ABLIM2: variants seen among roughly 807,000 people sequenced by gnomAD.
ABLIM2 encodes the protein actin binding LIM protein family member 2.
A neutral mutation model predicts 97.7 loss-of-function variants in ABLIM2; 53 were observed. The ratio of observed to expected loss-of-function variants is 0.54; its 90% CI spans 0.44 to 0.68. The LOEUF is 0.68. Among genes scored for constraint, ABLIM2 ranks in the 30% least tolerant of loss-of-function variants. ABLIM2 has a pLI of 0.00. For synonymous variants in ABLIM2, 361 were observed against 345.8 expected, an observed-to-expected ratio of 1.04 and a Z score of -0.49; for missense variants, 835 against 867.2, an observed-to-expected ratio of 0.96 and a Z score of 0.47.
chr4:8,095,223 C>T lies in ABLIM2; in HGVS notation c.338+1876G>A, dbSNP rs1295642951. ...GGCCCAAGCAATCCTCCCATCTCAG[C>T]CTCTCACATAGCTGGGACTACAGGC... On this transcript the variant is annotated intron_variant, in intron 3 of 20. Coordinates refer to ENST00000447017, the MANE Select transcript of ABLIM2 (RefSeq NM_001130083.2). The surrounding 1 kb of genome is among the most constrained non-coding windows in gnomAD (Gnocchi z 4.7). 6.6e-6 allele frequency among the ~76,000 whole-genome samples: 1 copy of T among 152,048 alleles called. No individual in the cohort carries two copies. The highest frequency in any genetic ancestry group is 1.5e-5 in the Non-Finnish European group (1 of 68,020).
rs1463147175 is a variant in ABLIM2, at chr4:8,112,321, G to A, written c.11-5684C>T. ...TTTGGACCCACCATCCAGGGGCAGC[G>A]GTGTGACCTTGGTGAATGGATTTAA... On this transcript the variant is annotated intron_variant, in intron 1 of 20. Transcript: ENST00000447017. This position sits in a 1 kb window ranked among gnomAD's most constrained non-coding sequence, Gnocchi z 4.2. Among the ~76,000 whole-genome samples the A allele has an allele frequency of 3.9e-5, 6 of 152,194 alleles. No homozygotes were observed. Among genetic ancestry groups the A allele is most frequent in the South Asian group, 2.1e-4 (1 of 4,828 alleles).
chr4:8,013,381 C>A (rs1766442093), intron 14 of ABLIM2, among the ~76,000 whole-genome samples: 1 of 152,010 alleles, frequency 6.6e-6, no homozygotes, highest in Non-Finnish European at 1.5e-5. Flanking sequence ...CACCACCATG[C>A]CCGGCTAATT....
chr4:8,151,283 C>T (rs1323846683), intron 1 of ABLIM2, among the ~76,000 whole-genome samples: 1 of 152,182 alleles, frequency 6.6e-6, no homozygotes, highest in Non-Finnish European at 1.5e-5. Flanking sequence ...CCGCAGCAGA[C>T]CTGTTTGTTG....
chr4:7,984,779 T>C, intron 18 of ABLIM2, 60 bp downstream of exon 18: 4 of 1,503,252 alleles, frequency 2.7e-6, no homozygotes, highest in Non-Finnish European at 3.6e-6. Flanking sequence ...ACAAGTCTTG[T>C]GGAATGTGTT....
chr4:8,048,427 G>A (rs1378975440), intron 8 of ABLIM2, among the ~76,000 whole-genome samples: 1 of 152,122 alleles, frequency 6.6e-6, no homozygotes, highest in African/African-American at 2.4e-5. Context: ...ACAGTCACTG[G>A]GGAGGCCTGC....
intron 20 of ABLIM2, among the ~76,000 whole-genome samples, chr4:7,969,704 G>A (rs1013547106): frequency 1.3e-4 from 17 of 126,832 alleles, no homozygotes; most frequent in African/African-American, 4.7e-4. Flanking sequence ...TGGGCTCAGA[G>A]TCAGTCTCTC....
Position 8,075,736 on chromosome 4 carries a change from G to A in ABLIM2, c.675+1892C>T, listed in dbSNP as rs527765282. 2.0e-5 allele frequency among the ~76,000 whole-genome samples: 3 copies of A among 152,222 alleles called. No individual in the cohort carries two copies. In the East Asian group the frequency reaches 5.8e-4, roughly 29 times the overall value. The stretch of plus-strand genomic sequence containing the variant: ...ACCATTGACTTGTGCCCTTTAAATG[G>A]GCAAATTGTGAACTCTATCTCAATG... On this transcript the variant is annotated intron_variant, in intron 6 of 20. Coordinates refer to ENST00000447017, the MANE Select transcript of ABLIM2 (RefSeq NM_001130083.2). The surrounding 1 kb of genome is among the most constrained non-coding windows in gnomAD (Gnocchi z 4.4).
intron 20 of ABLIM2, among the ~76,000 whole-genome samples, chr4:7,978,836 T>C (rs542167230): frequency 6.6e-6 from 1 of 152,224 alleles, no homozygotes; most frequent in East Asian, 1.9e-4. Context: ...AGTGTTGGAG[T>C]TCCTTTTGGG....
In ABLIM2 at chr4:8,052,023, A is replaced by G. The variant is rs60192123; in HGVS notation, c.822+2165T>C. ...CCCCCCCTCCCTCTTTCTCTCTACC[A>G]GGGAGCTTCTTCCTTCTGCCTTTCT... is the stretch of plus-strand genomic sequence containing the variant. On this transcript the variant is annotated intron_variant, in intron 8 of 20. Coordinates refer to ENST00000447017, the MANE Select transcript of ABLIM2 (RefSeq NM_001130083.2). 3.9e-5 allele frequency among the ~76,000 whole-genome samples: 6 copies of G among 152,228 alleles called. No individual in the cohort carries two copies. In the East Asian group the frequency reaches 1.2e-3, roughly 29 times the overall value.
chr4:7,983,668 G>A, intron 18 of ABLIM2, 114 bp from the exon 19 acceptor site: 1 of 1,303,012 alleles, frequency 7.7e-7, no homozygotes, highest in East Asian at 2.5e-5. Context: ...GCAGTCACCT[G>A]GGCCATGCAT....
At chr4:8,077,571 A>G in intron 6 of ABLIM2, 57 bp downstream of exon 6, 1 of 1,470,744 alleles carries the variant, frequency 6.8e-7, no homozygotes, top group Non-Finnish European at 9.3e-7. Flanking sequence ...GTCAACTCCC[A>G]GGGGGGCAGT....
chr4:8,026,309 T>A (rs1051063333), intron 12 of ABLIM2, among the ~76,000 whole-genome samples: 1 of 152,180 alleles, frequency 6.6e-6, no homozygotes, highest in South Asian at 2.1e-4. Flanking sequence ...GGTGAAGACT[T>A]TGCTTCTTCT....
intron 4 of ABLIM2, 117 bp from the exon 5 acceptor site, chr4:8,080,919 C>A: frequency 3.8e-6 from 5 of 1,308,336 alleles, no homozygotes; most frequent in Non-Finnish European, 5.2e-6. Flanking sequence ...GCGGGACAGA[C>A]CAGCAGCCAC....
chr4:7,993,891 C>T (rs759137521), intron 16 of ABLIM2: 15 of 505,736 alleles, frequency 3.0e-5, no homozygotes, highest in South Asian at 2.2e-4. Context: ...CCTGGCTGGC[C>T]CTGGGTGGGC....
Position 8,072,682 on chromosome 4 carries a change from G to A in ABLIM2, c.675+4946C>T, listed in dbSNP as rs573936373. 2.6e-5 allele frequency among the ~76,000 whole-genome samples: 4 copies of A among 152,388 alleles called. No individual in the cohort carries two copies. The highest frequency in any genetic ancestry group is 4.1e-4 in the South Asian group (2 of 4,828). On this transcript the variant is annotated intron_variant, in intron 6 of 20. Transcript: ENST00000447017. This position sits in a 1 kb window ranked among gnomAD's most constrained non-coding sequence, Gnocchi z 5.8. ...GCTCTGCCACCGACTCTCAGTGGCTGATGGCCGGGCACGTGGGTGGATCCA... is the reference window on the plus strand; with the variant it reads ...GCTCTGCCACCGACTCTCAGTGGCTAATGGCCGGGCACGTGGGTGGATCCA...
intron 6 of ABLIM2, among the ~76,000 whole-genome samples, chr4:8,062,501 G>A (rs185190927): frequency 2.3e-4 from 35 of 151,296 alleles, no homozygotes; most frequent in African/African-American, 7.0e-4. Context: ...GTGCAGTGGC[G>A]CGATCTTGGA....
intron 1 of ABLIM2, among the ~76,000 whole-genome samples, chr4:8,110,796 C>T (rs1256472883): frequency 2.0e-5 from 3 of 152,180 alleles, no homozygotes; most frequent in Non-Finnish European, 4.4e-5. Context: ...TGCCCTCTCG[C>T]GATGGGAGAT....
At chr4:8,048,180 G>A (rs1193685375) in intron 8 of ABLIM2, among the ~76,000 whole-genome samples, 1 of 152,242 alleles carries the variant, frequency 6.6e-6, no homozygotes, top group Admixed American at 6.5e-5. Flanking sequence ...TGAGTCAGAA[G>A]GGAGCTGAGT....
intron 2 of ABLIM2, among the ~76,000 whole-genome samples, chr4:8,098,665 C>T (rs1400380131): frequency 6.6e-6 from 1 of 152,198 alleles, no homozygotes. Context: ...CGAATCCCAG[C>T]TCTACCCGCG....
Sources: gnomAD v4.1 joint callset for allele counts (sites outside exome capture counted in the v4.1 genomes callset) on GRCh38, gnomAD v4.1.1 for gene constraint, Gnocchi (gnomAD v3.1) non-coding constraint, MANE v1.5 for transcripts, NCBI Gene and HGNC (gene_info 2026-07-23, HGNC 2026-07-21) for gene names.